Variants in LDB2 observed in about 807,000 individuals in gnomAD.
LDB2 encodes the protein LIM domain binding 2.
LDB2 carries 12 observed loss-of-function variants against 44.3 expected under a neutral mutation model. The observed-to-expected ratio is 0.27, with a 90% confidence interval of 0.17 to 0.44. The LOEUF (loss-of-function observed/expected upper bound fraction) is 0.44. Ranked by LOEUF, LDB2 falls within the 20% of genes least tolerant of loss-of-function variation. LDB2 has a pLI of 1.00. For synonymous variants in LDB2, 164 were observed against 174.8 expected (o/e 0.94, Z 0.49); for missense variants, 344 against 473.5 (o/e 0.73, Z 2.54).
chr4:16,541,878 C>T (rs1733894726), intron 5 of LDB2, among the ~76,000 whole-genome samples: 1 of 151,288 alleles, frequency 6.6e-6, no homozygotes, highest in African/African-American at 2.4e-5. Context: ...TGGGGAGTCT[C>T]TATTGAAAAG....
At chr4:16,892,322 T>C (rs1186335169) in intron 1 of LDB2, among the ~76,000 whole-genome samples, 2 of 145,180 alleles carry the variant, frequency 1.4e-5, no homozygotes, top group Non-Finnish European at 3.1e-5. Context: ...TTGCCTGAAG[T>C]ATGGAAATTC....
At chr4:16,727,395 G>C (rs1304000566) in intron 2 of LDB2, among the ~76,000 whole-genome samples, 1 of 152,210 alleles carries the variant, frequency 6.6e-6, no homozygotes, top group Non-Finnish European at 1.5e-5. Context: ...TGCAGGTCTA[G>C]GTGCACTCTG....
At chr4:16,788,627 T>C (rs80259289) in intron 1 of LDB2, among the ~76,000 whole-genome samples, 1,955 of 152,232 alleles carry the variant, frequency 0.013, 35 homozygotes, top group East Asian at 0.078. Context: ...ATTCTAATAC[T>C]CAGCACAGTA....
At chr4:16,773,883 G>A (rs1002930882) in intron 1 of LDB2, among the ~76,000 whole-genome samples, 1 of 151,458 alleles carries the variant, frequency 6.6e-6, no homozygotes, top group Non-Finnish European at 1.5e-5. Context: ...GGCCAGGCAC[G>A]GTGGATCATG....
intron 1 of LDB2, among the ~76,000 whole-genome samples, chr4:16,790,676 T>C (rs1457429548): frequency 6.6e-6 from 1 of 152,186 alleles, no homozygotes; most frequent in African/African-American, 2.4e-5. Context: ...ACATATTATT[T>C]CCTCGATAAC....
intron 1 of LDB2, among the ~76,000 whole-genome samples, chr4:16,882,072 G>C (rs560912628): frequency 6.6e-6 from 1 of 152,202 alleles, no homozygotes. Context: ...GCATGTCTCA[G>C]TACCGCAATC....
chr4:16,791,072 GTTA>G, intron 1 of LDB2, among the ~76,000 whole-genome samples: 1 of 152,110 alleles, frequency 6.6e-6, no homozygotes, highest in Admixed American at 6.5e-5. Context: ...CAACTACCAG[GTTA>G]GCTTTCTCTA....
rs80115191 is a variant in LDB2 at position 16,637,477 on chromosome 4, C to T, written c.236-41602G>A. On this transcript the variant is annotated intron_variant, in intron 2 of 7. Coordinates refer to ENST00000304523, the MANE Select transcript of LDB2 (RefSeq NM_001290.5). ...CATTCATTAATTCCACAAGTCTTTA[C>T]GGAGTACCCACTCTGAGCCAAGTGC... Among the ~76,000 whole-genome samples, 1,416 of 152,068 alleles carry T rather than the reference C, an allele frequency of 9.3e-3. 69 individuals carry two copies. Among genetic ancestry groups the T allele is most frequent in the Admixed American group, 0.063 (968 of 15,272 alleles).
chr4:16,866,102 T>C (rs528624446), intron 1 of LDB2, among the ~76,000 whole-genome samples: 18 of 152,342 alleles, frequency 1.2e-4, no homozygotes, highest in African/African-American at 3.1e-4. Context: ...CAGAGGACTT[T>C]GTGATAAGAG....
intron 2 of LDB2, among the ~76,000 whole-genome samples, chr4:16,700,031 C>T (rs372331533): frequency 2.2e-4 from 34 of 151,992 alleles, no homozygotes; most frequent in African/African-American, 7.2e-4. Context: ...GATTTTTTTT[C>T]GGATTTTGGA....
chr4:16,598,882 T>C (rs923512660), intron 2 of LDB2, among the ~76,000 whole-genome samples: 6 of 151,402 alleles, frequency 4.0e-5, no homozygotes, highest in East Asian at 1.9e-4. Flanking sequence ...TCTTTCTTTT[T>C]TTTTTTTTTT....
intron 2 of LDB2, among the ~76,000 whole-genome samples, chr4:16,734,444 G>A (rs539885): frequency 6.6e-6 from 1 of 151,398 alleles, no homozygotes; most frequent in Non-Finnish European, 1.5e-5. Context: ...CGGTGCCTTG[G>A]ACTCAGAATT....
At chr4:16,843,289 C>T (rs542104355) in intron 1 of LDB2, among the ~76,000 whole-genome samples, 12 of 152,074 alleles carry the variant, frequency 7.9e-5, no homozygotes, top group South Asian at 6.2e-4. Context: ...TAGCGTTTTC[C>T]GCATACTGGA....
At chr4:16,601,806 AT>A (rs1444252083) in intron 2 of LDB2, among the ~76,000 whole-genome samples, 1 of 152,184 alleles carries the variant, frequency 6.6e-6, no homozygotes, top group East Asian at 1.9e-4. Context: ...GTATTCAGAA[AT>A]CAGTAAATGC....
intron 2 of LDB2, among the ~76,000 whole-genome samples, chr4:16,742,074 CTTTTT>C (rs33990510): frequency 1.2e-4 from 16 of 128,304 alleles, no homozygotes; most frequent in South Asian, 2.5e-4. Flanking sequence ...CTTTTCTTTT[CTTTTT>C]TTTTTTTTTT....
intron 2 of LDB2, among the ~76,000 whole-genome samples, chr4:16,738,437 A>T (rs13145252): frequency 2.0e-5 from 3 of 152,248 alleles, no homozygotes; most frequent in South Asian, 2.1e-4. Context: ...GATAAAACAT[A>T]CAAGGAGCTT....
intron 5 of LDB2, among the ~76,000 whole-genome samples, chr4:16,549,262 A>G (rs2152343999): frequency 6.6e-6 from 1 of 152,332 alleles, no homozygotes; most frequent in South Asian, 2.1e-4. Flanking sequence ...AGGTTGACAG[A>G]GAAAACCAAG....
intron 3 of LDB2, among the ~76,000 whole-genome samples, chr4:16,590,498 A>G (rs1718561529): frequency 6.6e-6 from 1 of 152,230 alleles, no homozygotes. Flanking sequence ...CACTTACTGA[A>G]TTGCAACTTG....
intron 2 of LDB2, among the ~76,000 whole-genome samples, chr4:16,677,846 G>C (rs1746717730): frequency 6.6e-6 from 1 of 152,138 alleles, no homozygotes; most frequent in South Asian, 2.1e-4. Flanking sequence ...TTCAATTTCT[G>C]CATGTTAGTC....
Sources: gnomAD v4.1 joint callset for allele counts (sites outside exome capture counted in the v4.1 genomes callset) on GRCh38, gnomAD v4.1.1 for gene constraint, MANE v1.5 for transcripts, NCBI Gene and HGNC (gene_info 2026-07-23, HGNC 2026-07-21) for gene names.